The following HSF2BP variants were observed in gnomAD, a reference collection of about 807,000 sequenced individuals.
HSF2BP encodes heat shock transcription factor 2 binding protein.
Under a neutral mutation model 35.0 loss-of-function variants are expected in HSF2BP, and 35 were observed. The ratio of observed to expected loss-of-function variants is 1.00; its 90% CI spans 0.76 to 1.32. HSF2BP has a LOEUF of 1.32. HSF2BP is among the 40% of genes most tolerant of loss of function. The pLI is 0.00. For synonymous variants in HSF2BP, 114 were observed against 117.4 expected, an observed-to-expected ratio of 0.97 and a Z score of 0.18; for missense variants, 326 against 321.7, an observed-to-expected ratio of 1.01 and a Z score of -0.10.
intron 7 of HSF2BP, among the ~76,000 whole-genome samples, chr21:43,598,182 T>TTTTTTTG (rs1555860123): frequency 1.3e-5 from 2 of 151,758 alleles, no homozygotes; most frequent in Admixed American, 1.3e-4. Context: ...GGCACTTTCT[T>TTTTTTTG]TTTTTTTGTT....
chr21:43,605,760 C>A (rs2082127885), intron 7 of HSF2BP, among the ~76,000 whole-genome samples: 1 of 151,526 alleles, frequency 6.6e-6, no homozygotes, highest in South Asian at 2.1e-4. Flanking sequence ...CATATATACA[C>A]ACACACCACA....
chr21:43,579,636 C>T (rs2081696332), intron 8 of HSF2BP, among the ~76,000 whole-genome samples: 1 of 152,158 alleles, frequency 6.6e-6, no homozygotes, highest in Non-Finnish European at 1.5e-5. Flanking sequence ...CCTTACTACC[C>T]GCCCCTCTTT....
intron 8 of HSF2BP, among the ~76,000 whole-genome samples, chr21:43,580,778 T>G (rs968874147): frequency 2.0e-5 from 3 of 152,210 alleles, no homozygotes; most frequent in Non-Finnish European, 4.4e-5. Flanking sequence ...ATATTTTGCT[T>G]TTCTATCAAA....
chr21:43,579,383 A>G (rs1021748593), intron 8 of HSF2BP, among the ~76,000 whole-genome samples: 1 of 152,236 alleles, frequency 6.6e-6, no homozygotes, highest in Non-Finnish European at 1.5e-5. Context: ...TGGAGCAAGC[A>G]TTATATTTTA....
chr21:43,580,379 G>A (rs912980623), intron 8 of HSF2BP, among the ~76,000 whole-genome samples: 3 of 152,152 alleles, frequency 2.0e-5, no homozygotes, highest in African/African-American at 7.2e-5. Flanking sequence ...ACATATGCAG[G>A]CCAAATGTTT....
At chr21:43,585,611 A>T (rs1286542427) in intron 8 of HSF2BP, among the ~76,000 whole-genome samples, 1 of 150,402 alleles carries the variant, frequency 6.6e-6, no homozygotes, top group East Asian at 1.9e-4. Context: ...GTGCCACTGC[A>T]CTCCAGCCTG....
intron 5 of HSF2BP, among the ~76,000 whole-genome samples, chr21:43,632,069 CACATACACACGCT>C (rs2082472799): frequency 1.9e-4 from 3 of 15,606 alleles, no homozygotes; most frequent in Admixed American, 8.6e-4. Context: ...CACACGCTCC[CACATACACACGCT>C]CCCACACACA....
intron 4 of HSF2BP, among the ~76,000 whole-genome samples, chr21:43,633,961 A>C (rs1384367631): frequency 6.6e-6 from 1 of 152,230 alleles, no homozygotes; most frequent in African/African-American, 2.4e-5. Flanking sequence ...TTAACTCCTC[A>C]TGAGAATATT....
At chr21:43,605,662 CAA>C (rs1364539573) in intron 7 of HSF2BP, among the ~76,000 whole-genome samples, 1 of 150,872 alleles carries the variant, frequency 6.6e-6, no homozygotes, top group Non-Finnish European at 1.5e-5. Context: ...CACCCACACA[CAA>C]AATACACACA....
chr21:43,635,844 G>A (rs965801754), intron 4 of HSF2BP, among the ~76,000 whole-genome samples: 3 of 150,264 alleles, frequency 2.0e-5, no homozygotes, highest in African/African-American at 4.9e-5. Flanking sequence ...CAGGAGAATC[G>A]CTTGAACCCA....
the HSF2BP span, among the ~76,000 whole-genome samples, chr21:43,468,046 A>AACCATACCACACAC: frequency 8.1e-6 from 1 of 124,038 alleles, no homozygotes; most frequent in African/African-American, 3.1e-5. Flanking sequence ...CACCACACAC[A>AACCATACCACACAC]ACCATACCAC....
intron 7 of HSF2BP, among the ~76,000 whole-genome samples, chr21:43,594,574 C>T (rs1441329748): frequency 2.0e-5 from 3 of 151,820 alleles, no homozygotes; most frequent in Non-Finnish European, 4.4e-5. Context: ...TTTCAAGACA[C>T]TAGAAGAATA....
Position 43,597,931 on chromosome 21 carries a change from A to AT in HSF2BP, c.693-5604dup. ...GGACTAACTAAATATACTATGGTACATGTAACACATGCATGCCATAGAAAA... is the reference window on the plus strand; with the variant it reads ...GGACTAACTAAATATACTATGGTACATTGTAACACATGCATGCCATAGAAAA... On this transcript the variant is annotated intron_variant, in intron 7 of 8. Transcript: ENST00000291560. This position sits in a 1 kb window ranked among gnomAD's most constrained non-coding sequence, Gnocchi z 4.3. 6.6e-6 allele frequency among the ~76,000 whole-genome samples: 1 copy of AT among 152,376 alleles called. No individual in the cohort carries two copies. The highest frequency in any genetic ancestry group is 1.9e-4 in the East Asian group (1 of 5,190).
At chr21:43,648,529 C>G (rs776353527) in intron 3 of HSF2BP, among the ~76,000 whole-genome samples, 1 of 152,250 alleles carries the variant, frequency 6.6e-6, no homozygotes, top group African/African-American at 2.4e-5. Context: ...TCCCCCAACC[C>G]TGATCACACT....
At chr21:43,644,184 GAGGAT>G in intron 4 of HSF2BP, 100 bp downstream of exon 4, 1 of 723,042 alleles carries the variant, frequency 1.4e-6, no homozygotes, top group Non-Finnish European at 2.4e-6. Flanking sequence ...ACAATTTATT[GAGGAT>G]TAAGAGTAAA....
Position 43,644,392 on chromosome 21 carries a change from T to A in HSF2BP, c.188A>T (p.Asn63Ile), listed in dbSNP as rs1202095399. The A allele has an allele frequency of 6.2e-7, 1 of 1,611,160 alleles. No homozygotes were observed. Among genetic ancestry groups the A allele is most frequent in the Non-Finnish European group, 8.5e-7 (1 of 1,177,380 alleles). Reference sequence around the variant, plus strand: ...TAATTCTTGCTCTTTCCTTTCCAGGTCTAGGAGAAAGACATAAAATTACTC... The same window carrying A: ...TAATTCTTGCTCTTTCCTTTCCAGGACTAGGAGAAAGACATAAAATTACTC... ...SFQKLKIVEK[N>I]LERKEQELEQ... The change falls in exon 4 of 9, where the codon AAC (asparagine) becomes ATC (isoleucine). Residue 63 changes from asparagine to isoleucine, a missense_variant and splice_region_variant. Transcript: ENST00000291560.
chr21:43,629,430 T>C (rs2082427573), intron 6 of HSF2BP, among the ~76,000 whole-genome samples: 1 of 152,202 alleles, frequency 6.6e-6, no homozygotes. Context: ...CTGGGCATGG[T>C]GGCGCATGCC....
intron 6 of HSF2BP, among the ~76,000 whole-genome samples, chr21:43,629,276 C>T (rs2082425994): frequency 6.6e-6 from 1 of 152,138 alleles, no homozygotes; most frequent in Non-Finnish European, 1.5e-5. Flanking sequence ...TAAGAATATT[C>T]ATGATTCAGC....
chr21:43,505,918 T>A, the HSF2BP span, among the ~76,000 whole-genome samples: 1 of 133,628 alleles, frequency 7.5e-6, no homozygotes, highest in Admixed American at 7.2e-5. Context: ...TATTTAAATT[T>A]CTTTCAGGTG....
Sources: allele counts gnomAD v4.1 joint callset (sites outside exome capture counted in the v4.1 genomes callset), GRCh38; gene constraint gnomAD v4.1.1; non-coding constraint Gnocchi (gnomAD v3.1); transcripts MANE v1.5; gene names NCBI Gene and HGNC (gene_info 2026-07-23, HGNC 2026-07-21).